Variants in EPHB2 observed in about 807,000 individuals in gnomAD.
EPHB2 encodes the protein ephrin type-B receptor 2.
Under a neutral mutation model 96.4 loss-of-function variants are expected in EPHB2, and 18 were observed. That is an observed-to-expected ratio of 0.19 (90% CI 0.13 to 0.28). The LOEUF is 0.28. Among genes scored for constraint, EPHB2 ranks in the 10% least tolerant of loss-of-function variants. The pLI is 1.00. For synonymous variants in EPHB2, 506 were observed against 534.1 expected, an observed-to-expected ratio of 0.95 and a Z score of 0.72; for missense variants, 989 against 1,355.4, an observed-to-expected ratio of 0.73 and a Z score of 4.25.
chr1:22,806,515 ATGGATGG>A (rs1644929279), intron 3 of EPHB2, among the ~76,000 whole-genome samples: 1 of 99,136 alleles, frequency 1.0e-5, no homozygotes, highest in Non-Finnish European at 2.1e-5. Flanking sequence ...GGATGGATGG[ATGGATGG>A]ATGGATGGAT....
chr1:22,837,161 G>A (rs1470267688), intron 3 of EPHB2, among the ~76,000 whole-genome samples: 5 of 152,290 alleles, frequency 3.3e-5, no homozygotes, highest in African/African-American at 7.2e-5. Flanking sequence ...TTCAAAAGAC[G>A]TCCCAACCAG....
At chr1:22,907,822 C>CTT in intron 11 of EPHB2, 131 bp from the exon 12 acceptor site, 1 of 1,133,604 alleles carries the variant, frequency 8.8e-7, no homozygotes, top group African/African-American at 1.5e-5. Flanking sequence ...CCCAAAGCAT[C>CTT]TGAGTCCTTC....
In EPHB2 at chr1:22,838,186, A is replaced by G. The variant is rs368888412; in HGVS notation, c.812-24851A>G. Among the ~76,000 whole-genome samples the G allele has an allele frequency of 3.4e-4, 52 of 152,320 alleles. No individual in the cohort carries two copies. The East Asian group carries it at 6.8e-3, about 20-fold the overall frequency. ...GATCCCATGCCCTCTCTGGACATCC[A>G]TGTTCCACTCTGCCATCTCAGGGCA... is the stretch of plus-strand genomic sequence containing the variant. On this transcript the variant is annotated intron_variant, in intron 3 of 15. Coordinates refer to ENST00000374630, the MANE Select transcript of EPHB2 (RefSeq NM_017449.5).
rs567024452 is a variant in EPHB2, at chr1:22,900,123, G to A, written c.1765+3645G>A. Among the ~76,000 whole-genome samples, 14 of 151,918 alleles carry A rather than the reference G, an allele frequency of 9.2e-5. No individual in the cohort carries two copies. In the South Asian group the frequency reaches 1.7e-3, roughly 18 times the overall value. On this transcript the variant is annotated intron_variant, in intron 9 of 15. Transcript: ENST00000374630. Reference sequence around the variant, plus strand: ...AGCCTGGCCAACATGGTAAAACCCCGTCTCTACTAAAAATACAAAAATTAG... The same window carrying A: ...AGCCTGGCCAACATGGTAAAACCCCATCTCTACTAAAAATACAAAAATTAG...
intron 3 of EPHB2, among the ~76,000 whole-genome samples, chr1:22,787,306 T>C (rs951514737): frequency 1.3e-5 from 2 of 152,128 alleles, no homozygotes; most frequent in African/African-American, 4.8e-5. Flanking sequence ...GCTGCATGAA[T>C]AAAGGCCTGG....
chr1:22,816,949 C>T (rs1471853549), intron 3 of EPHB2, among the ~76,000 whole-genome samples: 1 of 152,220 alleles, frequency 6.6e-6, no homozygotes, highest in Non-Finnish European at 1.5e-5. Context: ...TTTTCTCCAA[C>T]TCCCTGACCC....
In EPHB2 at chr1:22,906,153, G is replaced by A. The variant is rs1166103746; in HGVS notation, c.1888+44G>A. 1.2e-6 allele frequency: 2 copies of A among 1,613,890 alleles called. No individual in the cohort carries two copies. Among genetic ancestry groups the A allele is most frequent in the Non-Finnish European group, 1.7e-6 (2 of 1,179,974 alleles). ...CACATGTACTATGACCTTAGCCATGGCTGGTGAGACCACCCCAATGTATAC... is the reference window on the plus strand; with the variant it reads ...CACATGTACTATGACCTTAGCCATGACTGGTGAGACCACCCCAATGTATAC... On this transcript the variant is annotated intron_variant, in intron 10 of 15. Transcript: ENST00000374630. This position sits in a 1 kb window ranked among gnomAD's most constrained non-coding sequence, Gnocchi z 4.8.
At chr1:22,805,545 C>T (rs999271787) in intron 3 of EPHB2, among the ~76,000 whole-genome samples, 3 of 152,180 alleles carry the variant, frequency 2.0e-5, no homozygotes, top group African/African-American at 7.2e-5. Context: ...CCCCTCTCCC[C>T]ACCTCTCTAC....
intron 3 of EPHB2, among the ~76,000 whole-genome samples, chr1:22,830,641 T>A (rs766160178): frequency 6.6e-6 from 1 of 152,126 alleles, no homozygotes. Flanking sequence ...CACTGCAACC[T>A]CCACCTCCCG....
At chr1:22,712,259 G>A (rs1643171176) in intron 1 of EPHB2, among the ~76,000 whole-genome samples, 1 of 152,152 alleles carries the variant, frequency 6.6e-6, no homozygotes, top group African/African-American at 2.4e-5. Flanking sequence ...GTCTCACCCA[G>A]GGCCGTTGGG....
Position 22,912,515 on chromosome 1 carries a change from AG to A in EPHB2, c.2770del (p.Ala924ProfsTer25). On this transcript the variant is annotated frameshift_variant, in exon 15 of 16. Transcript: ENST00000374630. LOFTEE classifies it high-confidence loss of function. Reference protein sequence around the residue: ...TSFNTVDEWLEAIKMGQYKES... With the variant: ...TSFNTVDEWLXAIKMGQYKES... The stretch of plus-strand genomic sequence containing the variant: ...TTTAACACGGTGGACGAGTGGCTGG[AG>A]GCCATCAAGATGGGGCAGTACAAGG... 1.2e-6 allele frequency: 2 copies of A among 1,613,760 alleles called. No homozygotes were observed. The highest frequency in any genetic ancestry group is 1.7e-6 in the Non-Finnish European group (2 of 1,179,984).
chr1:22,815,287 G>A (rs1372275633), intron 3 of EPHB2, among the ~76,000 whole-genome samples: 1 of 152,166 alleles, frequency 6.6e-6, no homozygotes, highest in Non-Finnish European at 1.5e-5. Flanking sequence ...GGGTACAGGA[G>A]GCTGGGTTTG....
At chr1:22,813,410 A>G (rs1343389734) in intron 3 of EPHB2, among the ~76,000 whole-genome samples, 1 of 152,202 alleles carries the variant, frequency 6.6e-6, no homozygotes, top group Non-Finnish European at 1.5e-5. Flanking sequence ...GAAGTTGGGC[A>G]TCTGAGATCA....
At chr1:22,903,839 G>GA (rs1334451573) in intron 9 of EPHB2, among the ~76,000 whole-genome samples, 3 of 151,790 alleles carry the variant, frequency 2.0e-5, no homozygotes, top group African/African-American at 7.3e-5. Flanking sequence ...GGAGAAATCA[G>GA]AAAAAAAACA....
rs146363186 is a variant in EPHB2, at chr1:22,862,530, A to C, written c.812-507A>C. ...TAGTAAAAGGCCTAGCCAGTACTCA[A>C]AGCCAGGTCGGTCTTATTCCAAAAG... On this transcript the variant is annotated intron_variant, in intron 3 of 15. Coordinates refer to ENST00000374630, the MANE Select transcript of EPHB2 (RefSeq NM_017449.5). Among the ~76,000 whole-genome samples, 156 of 152,348 alleles carry C rather than the reference A, an allele frequency of 1.0e-3. 3 individuals are homozygous for C. Among genetic ancestry groups the C allele is most frequent in the African/African-American group, 3.6e-3 (151 of 41,596 alleles).
intron 3 of EPHB2, among the ~76,000 whole-genome samples, chr1:22,813,726 G>T (rs755580395): frequency 1.3e-5 from 2 of 152,230 alleles, no homozygotes; most frequent in Non-Finnish European, 2.9e-5. Flanking sequence ...TTCTTCCTCT[G>T]CAAAATGGGG....
chr1:22,721,299 G>A (rs1215320822), intron 1 of EPHB2, among the ~76,000 whole-genome samples: 3 of 152,154 alleles, frequency 2.0e-5, no homozygotes, highest in African/African-American at 7.2e-5. Context: ...AGGGGGACCT[G>A]GGCAACACAT....
At chr1:22,758,590 C>T (rs1323772551) in intron 1 of EPHB2, among the ~76,000 whole-genome samples, 1 of 151,988 alleles carries the variant, frequency 6.6e-6, no homozygotes, top group Admixed American at 6.6e-5. Context: ...GATCCAAAGC[C>T]AGGGTGGGAT....
intron 1 of EPHB2, among the ~76,000 whole-genome samples, chr1:22,764,332 C>A (rs1052369269): frequency 6.6e-6 from 1 of 152,226 alleles, no homozygotes; most frequent in Non-Finnish European, 1.5e-5. Context: ...AAGAACTTAA[C>A]ATGCATGATC....
Sources: gnomAD v4.1 joint callset for allele counts (sites outside exome capture counted in the v4.1 genomes callset) on GRCh38, gnomAD v4.1.1 for gene constraint, Gnocchi (gnomAD v3.1) non-coding constraint, MANE v1.5 for transcripts, NCBI Gene and HGNC (gene_info 2026-07-23, HGNC 2026-07-21) for gene names.